Variants in REDIC1 observed in about 807,000 individuals in gnomAD.
REDIC1 encodes the protein HEI10 Interacting Protein 1.
At chr12:39,721,805 T>A in the REDIC1 span, 2 of 151,942 alleles carry the variant, frequency 1.3e-5, no homozygotes, top group African/African-American at 2.4e-5. Flanking sequence ...ATAACATAGT[T>A]TTTTTGTTGG....
the REDIC1 span, among the ~76,000 whole-genome samples, chr12:39,885,909 A>T: frequency 2.0e-5 from 3 of 152,336 alleles, no homozygotes; most frequent in Non-Finnish European, 4.4e-5. Context: ...ACAACACTTT[A>T]AAAAAGTCAG....
the REDIC1 span, among the ~76,000 whole-genome samples, chr12:39,797,330 A>G: frequency 6.6e-6 from 1 of 152,190 alleles, no homozygotes; most frequent in Non-Finnish European, 1.5e-5. Context: ...CACTGAACTT[A>G]TTTTGGATTT....
the REDIC1 span, among the ~76,000 whole-genome samples, chr12:39,776,197 T>C: frequency 1.3e-5 from 2 of 152,246 alleles, no homozygotes; most frequent in South Asian, 4.1e-4. Context: ...AAGGGAATTA[T>C]GCATCTTCTC....
At chr12:39,867,220 G>T in the REDIC1 span, among the ~76,000 whole-genome samples, 1 of 152,148 alleles carries the variant, frequency 6.6e-6, no homozygotes, top group Non-Finnish European at 1.5e-5. Context: ...CAACAGGTAA[G>T]ATTTTTTAAA....
the REDIC1 span, among the ~76,000 whole-genome samples, chr12:39,682,177 T>C: frequency 6.6e-6 from 1 of 152,182 alleles, no homozygotes; most frequent in Admixed American, 6.5e-5. Flanking sequence ...AAATATGTTA[T>C]AATGGTCTCA....
chr12:39,690,023 C>T, the REDIC1 span, among the ~76,000 whole-genome samples: 1 of 152,282 alleles, frequency 6.6e-6, no homozygotes, highest in Admixed American at 6.5e-5. Flanking sequence ...ATTGTGATGC[C>T]TGGCCATGGC....
chr12:39,747,695 C>A, the REDIC1 span, among the ~76,000 whole-genome samples: 878 of 152,316 alleles, frequency 5.8e-3, 8 homozygotes, highest in African/African-American at 0.02. Context: ...GGGTTACCCA[C>A]AAAGGGAAGC....
the REDIC1 span, among the ~76,000 whole-genome samples, chr12:39,713,567 C>T: frequency 0.01 from 1,500 of 148,766 alleles, 25 homozygotes; most frequent in African/African-American, 0.035. Context: ...TACATGTGTA[C>T]GCGTACATAT....
chr12:39,896,072 A>C, the REDIC1 span, among the ~76,000 whole-genome samples: 1 of 34,836 alleles, frequency 2.9e-5, no homozygotes, highest in Admixed American at 4.1e-4. Context: ...ACATATATGT[A>C]TACACGTGTA....
At chr12:39,891,149 A>T in the REDIC1 span, among the ~76,000 whole-genome samples, 8 of 149,580 alleles carry the variant, frequency 5.3e-5, no homozygotes, top group East Asian at 1.6e-3. Context: ...AATTTTGAGG[A>T]TGCATCTAGG....
the REDIC1 span, among the ~76,000 whole-genome samples, chr12:39,888,201 C>A: frequency 6.6e-6 from 1 of 152,076 alleles, no homozygotes; most frequent in Non-Finnish European, 1.5e-5. Flanking sequence ...ATGGATATAA[C>A]CATTCTAAGT....
chr12:39,695,210 A>G, the REDIC1 span, among the ~76,000 whole-genome samples: 1 of 152,168 alleles, frequency 6.6e-6, no homozygotes, highest in Non-Finnish European at 1.5e-5. Context: ...TTTTCACTTG[A>G]AAAAAGCAGA....
chr12:39,755,745 G>C, the REDIC1 span: 1 of 151,918 alleles, frequency 6.6e-6, no homozygotes, highest in Non-Finnish European at 1.5e-5. Context: ...CTAAATGAAG[G>C]CATTTAAAAT....
the REDIC1 span, among the ~76,000 whole-genome samples, chr12:39,835,523 T>TA: frequency 1.3e-5 from 2 of 152,222 alleles, no homozygotes; most frequent in Admixed American, 1.3e-4. Context: ...ATGAATTAAA[T>TA]AAAATGGAGT....
the REDIC1 span, among the ~76,000 whole-genome samples, chr12:39,771,466 A>G: frequency 2.6e-5 from 4 of 152,142 alleles, no homozygotes; most frequent in African/African-American, 9.7e-5. Flanking sequence ...CAAGCAAGAA[A>G]CTGAAGTCCT....
chr12:39,784,734 T>A, the REDIC1 span, among the ~76,000 whole-genome samples: 3 of 152,130 alleles, frequency 2.0e-5, no homozygotes, highest in Non-Finnish European at 4.4e-5. Flanking sequence ...CGGGATCTAA[T>A]TAAACTAAAG....
the REDIC1 span, among the ~76,000 whole-genome samples, chr12:39,728,786 T>TTA: frequency 2.0e-5 from 3 of 148,074 alleles, no homozygotes; most frequent in Non-Finnish European, 4.5e-5. Flanking sequence ...TGGGCTTTTT[T>TTA]TTTTTTTTTT....
the REDIC1 span, among the ~76,000 whole-genome samples, chr12:39,770,894 C>A: frequency 6.6e-6 from 1 of 152,120 alleles, no homozygotes; most frequent in Admixed American, 6.5e-5. Context: ...AGGTTCAGAT[C>A]TAGGCTGGGA....
chr12:39,698,357 A>G, the REDIC1 span, among the ~76,000 whole-genome samples: 1 of 152,224 alleles, frequency 6.6e-6, no homozygotes, highest in Non-Finnish European at 1.5e-5. Context: ...AAATATTATT[A>G]GAGTGAAAGA....
Sources: gnomAD v4.1 joint callset for allele counts (sites outside exome capture counted in the v4.1 genomes callset) on GRCh38, gnomAD v4.1.1 for gene constraint, MANE v1.5 for transcripts, NCBI Gene and HGNC (gene_info 2026-07-23, HGNC 2026-07-21) for gene names.